Variants in PCDH9 observed in about 807,000 individuals in gnomAD.
The protein encoded by PCDH9 is protocadherin-9.
Under a neutral mutation model 70.6 loss-of-function variants are expected in PCDH9, and 24 were observed. The observed-to-expected ratio is 0.34, with a 90% CI of 0.25 to 0.48. The LOEUF is 0.48. PCDH9 is among the 20% of genes least tolerant of loss of function. The pLI is 0.99. For missense variants in PCDH9, 1,281 were observed against 1,503.6 expected (o/e 0.85, Z 2.45); for synonymous variants, 562 against 558.5 (o/e 1.01, Z -0.09).
At chr13:66,791,569 A>C (rs1339172953) in intron 3 of PCDH9, among the ~76,000 whole-genome samples, 1 of 152,136 alleles carries the variant, frequency 6.6e-6, no homozygotes, top group African/African-American at 2.4e-5. Context: ...TAATGGTATA[A>C]TTTGTAAATA....
At chr13:66,320,554 A>G (rs1175008245) in intron 4 of PCDH9, among the ~76,000 whole-genome samples, 1 of 151,982 alleles carries the variant, frequency 6.6e-6, no homozygotes, top group Non-Finnish European at 1.5e-5. Context: ...AATCACTAAG[A>G]GTATTTTTTA....
chr13:66,996,793 A>G (rs1339504422), intron 2 of PCDH9, among the ~76,000 whole-genome samples: 1 of 152,216 alleles, frequency 6.6e-6, no homozygotes, highest in Non-Finnish European at 1.5e-5. Context: ...GCAGAATCGT[A>G]AAAGAAAAAG....
chr13:66,433,154 A>G (rs1416653081), intron 4 of PCDH9, among the ~76,000 whole-genome samples: 1 of 151,980 alleles, frequency 6.6e-6, no homozygotes, highest in Non-Finnish European at 1.5e-5. Flanking sequence ...TAATCAACAC[A>G]CTTATTAAAT....
intron 4 of PCDH9, among the ~76,000 whole-genome samples, chr13:66,468,113 CAA>C (rs1958550663): frequency 6.6e-6 from 1 of 151,930 alleles, no homozygotes; most frequent in Non-Finnish European, 1.5e-5. Context: ...TTAACATGCC[CAA>C]AAGTGTCCTA....
intron 2 of PCDH9, among the ~76,000 whole-genome samples, chr13:67,162,314 T>C (rs2087985717): frequency 6.6e-6 from 1 of 152,230 alleles, no homozygotes; most frequent in Non-Finnish European, 1.5e-5. Context: ...TCAAAATACA[T>C]GTCAACTTTC....
At chr13:66,522,768 G>C (rs759103983) in intron 4 of PCDH9, among the ~76,000 whole-genome samples, 1 of 151,988 alleles carries the variant, frequency 6.6e-6, no homozygotes, top group Non-Finnish European at 1.5e-5. Context: ...GAGACATGGA[G>C]TGGAATCTCC....
chr13:66,664,333 A>G (rs916539540), intron 3 of PCDH9, among the ~76,000 whole-genome samples: 3 of 152,198 alleles, frequency 2.0e-5, no homozygotes, highest in Non-Finnish European at 2.9e-5. Context: ...TCAGGTTAAG[A>G]GAGGATTAAT....
intron 3 of PCDH9, among the ~76,000 whole-genome samples, chr13:66,737,371 T>C (rs2139189465): frequency 6.6e-6 from 1 of 152,306 alleles, no homozygotes; most frequent in East Asian, 1.9e-4. Flanking sequence ...TCAATATCTC[T>C]TTCAGAACTT....
intron 3 of PCDH9, among the ~76,000 whole-genome samples, chr13:66,679,685 A>G (rs1411115929): frequency 6.6e-6 from 1 of 151,942 alleles, no homozygotes; most frequent in Non-Finnish European, 1.5e-5. Context: ...CAAATCCCCA[A>G]TAGATTATTT....
At position 66,656,484 on chromosome 13, in the gene PCDH9, T is replaced by G. The variant is rs903959396; in HGVS notation, c.3139-25073A>C. On this transcript the variant is annotated intron_variant, in intron 3 of 4. Coordinates refer to ENST00000377865, the MANE Select transcript of PCDH9 (RefSeq NM_203487.3). ...CTTTCATAAAGGAAAAAAAAAATTC[T>G]GCAGTTTTCTTTTGAAAGCTAATTA... Among the ~76,000 whole-genome samples the G allele has an allele frequency of 1.3e-5, 2 of 152,242 alleles. 1 individual carries two copies. Among genetic ancestry groups the G allele is most frequent in the Admixed American group, 1.3e-4 (2 of 15,282 alleles).
chr13:66,367,773 T>C (rs1444850731), intron 4 of PCDH9, among the ~76,000 whole-genome samples: 1 of 152,154 alleles, frequency 6.6e-6, no homozygotes, highest in Admixed American at 6.6e-5. Context: ...TTGGACTATA[T>C]TAAAATGAGT....
intron 4 of PCDH9, among the ~76,000 whole-genome samples, chr13:66,558,981 G>T (rs575987515): frequency 2.8e-4 from 42 of 152,186 alleles, no homozygotes; most frequent in Non-Finnish European, 5.6e-4. Flanking sequence ...CAATGGCAGA[G>T]CTGACATGCA....
At chr13:66,909,494 G>T (rs1364078795) in intron 2 of PCDH9, among the ~76,000 whole-genome samples, 1 of 152,066 alleles carries the variant, frequency 6.6e-6, no homozygotes. Flanking sequence ...TAGAGGCCAG[G>T]CACAGTGGCT....
At chr13:66,811,501 A>G (rs2080503635) in intron 3 of PCDH9, among the ~76,000 whole-genome samples, 1 of 152,078 alleles carries the variant, frequency 6.6e-6, no homozygotes, top group Non-Finnish European at 1.5e-5. Flanking sequence ...GTTACACCAA[A>G]TCCTAATAGT....
chr13:67,117,108 A>G (rs914524864), intron 2 of PCDH9, among the ~76,000 whole-genome samples: 5 of 152,202 alleles, frequency 3.3e-5, no homozygotes, highest in African/African-American at 1.2e-4. Context: ...TTTGTAAAGA[A>G]TTTATGATAC....
At chr13:66,823,058 T>C (rs1037647422) in intron 3 of PCDH9, among the ~76,000 whole-genome samples, 1 of 152,036 alleles carries the variant, frequency 6.6e-6, no homozygotes, top group Non-Finnish European at 1.5e-5. Flanking sequence ...TATACATATA[T>C]TTAGAAAAAT....
chr13:66,968,155 T>C (rs758989909), intron 2 of PCDH9, among the ~76,000 whole-genome samples: 3 of 152,212 alleles, frequency 2.0e-5, no homozygotes, highest in Middle Eastern at 3.4e-3. Flanking sequence ...TTTTTTTCCA[T>C]GTAAAAGCTT....
intron 3 of PCDH9, among the ~76,000 whole-genome samples, chr13:66,775,583 T>C (rs1395803912): frequency 6.6e-6 from 1 of 152,220 alleles, no homozygotes; most frequent in African/African-American, 2.4e-5. Flanking sequence ...ATGAGGATGA[T>C]GAACTTTGTG....
Position 67,005,957 on chromosome 13 carries a change from C to T in PCDH9, c.3037-102352G>A, listed in dbSNP as rs183901146. Among the ~76,000 whole-genome samples the T allele has an allele frequency of 3.1e-3, 479 of 152,180 alleles. 1 individual carries two copies. The highest frequency in any genetic ancestry group is 5.4e-3 in the Non-Finnish European group (368 of 67,988). On this transcript the variant is annotated intron_variant, in intron 2 of 4. Transcript: ENST00000377865. ...ATTGGATCTTATAGGCCAGGCGCGG[C>T]GGCTCACGCCTGTAATCCCAGCACT...
Sources: gnomAD v4.1 joint callset for allele counts (sites outside exome capture counted in the v4.1 genomes callset) on GRCh38, gnomAD v4.1.1 for gene constraint, MANE v1.5 for transcripts, NCBI Gene and HGNC (gene_info 2026-07-23, HGNC 2026-07-21) for gene names.